The following ROBO1 variants were observed in gnomAD, a reference collection of about 807,000 sequenced individuals.
The protein encoded by ROBO1 is roundabout guidance receptor 1.
Under a neutral mutation model 195.9 loss-of-function variants are expected in ROBO1, and 149 were observed. That is an observed-to-expected ratio of 0.76 (90% CI 0.67 to 0.87). The LOEUF (loss-of-function observed/expected upper bound fraction) is 0.87, where lower values mean the gene tolerates loss of function less well. Among genes scored for constraint, ROBO1 ranks in the 40% least tolerant of loss-of-function variants. The pLI, the probability that ROBO1 is intolerant of heterozygous loss-of-function variation, is 0.00. For synonymous variants in ROBO1, 816 were observed against 733.2 expected (o/e 1.11, Z -1.82); for missense variants, 1,933 against 2,068.3 (o/e 0.93, Z 1.27).
At chr3:79,725,864 C>T (rs139687120) in intron 1 of ROBO1, among the ~76,000 whole-genome samples, 200 of 150,836 alleles carry the variant, frequency 1.3e-3, no homozygotes, top group Non-Finnish European at 2.2e-3. Context: ...TCTTTTGCCA[C>T]GTTAGTCATT....
At position 78,621,075 on chromosome 3, in the gene ROBO1, A is replaced by G. The variant is rs796107673; in HGVS notation, c.3876-3034T>C. On this transcript the variant is annotated intron_variant, in intron 26 of 30. Coordinates refer to ENST00000464233, the MANE Select transcript of ROBO1 (RefSeq NM_002941.4). ...TATACACACAACATTCTTTAATATA[A>G]TGCATTATTTTTCATTTCTGGGTGG... Among the ~76,000 whole-genome samples, 18 of 152,056 alleles carry G rather than the reference A, an allele frequency of 1.2e-4. 1 individual carries two copies. The highest frequency in any genetic ancestry group is 4.3e-4 in the African/African-American group (18 of 41,522).
chr3:79,336,857 G>T (rs572260378), intron 2 of ROBO1, among the ~76,000 whole-genome samples: 112 of 152,228 alleles, frequency 7.4e-4, no homozygotes, highest in Non-Finnish European at 1.5e-3. Flanking sequence ...GCTCAAGGCT[G>T]TGGGAGCCCA....
intron 3 of ROBO1, among the ~76,000 whole-genome samples, chr3:79,030,001 TTTTGTGTAGTATAC>T (rs2078265464): frequency 6.6e-6 from 1 of 152,240 alleles, no homozygotes; most frequent in Non-Finnish European, 1.5e-5. Flanking sequence ...GTGTTGGCAA[TTTTGTGTAGTATAC>T]TAAGTTTTGA....
At chr3:78,765,593 T>C (rs778584818) in intron 4 of ROBO1, among the ~76,000 whole-genome samples, 3 of 152,068 alleles carry the variant, frequency 2.0e-5, no homozygotes, top group Non-Finnish European at 2.9e-5. Context: ...AAATAAAGTA[T>C]ATTTTTAGAT....
intron 2 of ROBO1, among the ~76,000 whole-genome samples, chr3:79,581,298 ACT>A (rs1472338474): frequency 2.6e-5 from 4 of 151,958 alleles, no homozygotes; most frequent in Non-Finnish European, 5.9e-5. Context: ...CATATGAGGC[ACT>A]CTGTTTGCTG....
At chr3:79,261,661 T>C (rs979733908) in intron 2 of ROBO1, among the ~76,000 whole-genome samples, 3 of 152,054 alleles carry the variant, frequency 2.0e-5, no homozygotes, top group Admixed American at 6.6e-5. Context: ...AAGTTGCTTA[T>C]ATAGTTGATC....
chr3:79,018,662 A>G lies in ROBO1; in HGVS notation c.173-79735T>C, dbSNP rs1461055427. The stretch of plus-strand genomic sequence containing the variant: ...TCTCAGAGACTTTTGCAGAGGAAGA[A>G]TTCCAAGGTTTGTCTTCTCCGGCCC... On this transcript the variant is annotated intron_variant, in intron 3 of 30. Coordinates refer to ENST00000464233, the MANE Select transcript of ROBO1 (RefSeq NM_002941.4). 5 of 1,397,372 alleles carry G rather than the reference A, an allele frequency of 3.6e-6. No individual in the cohort carries two copies. In the South Asian group the frequency reaches 6.4e-5, roughly 18 times the overall value. The allele number at this position is 1,397,372 out of a possible 1,614,324, so 86.6% of individuals were successfully genotyped here. A position where few individuals can be genotyped will look rare whatever the true frequency, so the allele number is the denominator to read the frequency against.
intron 4 of ROBO1, among the ~76,000 whole-genome samples, chr3:78,881,279 G>C (rs542546412): frequency 2.8e-4 from 43 of 152,268 alleles, no homozygotes; most frequent in Middle Eastern, 3.4e-3. Context: ...CCAAGTTGGT[G>C]GGAAAGTGTG....
At chr3:78,944,908 C>CA in intron 3 of ROBO1, among the ~76,000 whole-genome samples, 1 of 152,326 alleles carries the variant, frequency 6.6e-6, no homozygotes, top group South Asian at 2.1e-4. Context: ...GGGAGTCTTG[C>CA]TCATTGCTAG....
chr3:78,710,087 A>G, intron 8 of ROBO1, among the ~76,000 whole-genome samples: 1 of 152,146 alleles, frequency 6.6e-6, no homozygotes, highest in East Asian at 1.9e-4. Context: ...TTTTATTTCT[A>G]GAGGCAGGGT....
At chr3:79,168,562 C>T (rs2081110845) in intron 2 of ROBO1, among the ~76,000 whole-genome samples, 1 of 151,950 alleles carries the variant, frequency 6.6e-6, no homozygotes, top group Non-Finnish European at 1.5e-5. Context: ...TAATGTTTGC[C>T]CCTACTATTT....
At chr3:79,298,208 A>G (rs1296906077) in intron 2 of ROBO1, among the ~76,000 whole-genome samples, 1 of 152,168 alleles carries the variant, frequency 6.6e-6, no homozygotes, top group Non-Finnish European at 1.5e-5. Context: ...GTGAAAACAG[A>G]TTATGAAGAG....
At chr3:79,607,677 ATT>A (rs956153283) in intron 1 of ROBO1, among the ~76,000 whole-genome samples, 1 of 151,272 alleles carries the variant, frequency 6.6e-6, no homozygotes, top group Non-Finnish European at 1.5e-5. Flanking sequence ...TCTTAAATTA[ATT>A]TTTTCTGATG....
At chr3:79,041,033 T>C (rs2121802) in intron 3 of ROBO1, among the ~76,000 whole-genome samples, 150,304 of 152,168 alleles carry the variant, frequency 0.99, 74,238 homozygotes, top group East Asian at 1. Context: ...CTCCCTACCC[T>C]GCCATTCCCT....
intron 4 of ROBO1, among the ~76,000 whole-genome samples, chr3:78,813,918 T>A (rs1171184048): frequency 6.6e-6 from 1 of 152,000 alleles, no homozygotes; most frequent in African/African-American, 2.4e-5. Flanking sequence ...TGAGAGTGGA[T>A]CCAGAGTAAT....
intron 3 of ROBO1, among the ~76,000 whole-genome samples, chr3:78,973,155 G>C (rs1219958605): frequency 6.6e-6 from 1 of 151,920 alleles, no homozygotes; most frequent in Non-Finnish European, 1.5e-5. Flanking sequence ...TCTTTTGCTT[G>C]CAATGAAATA....
intron 3 of ROBO1, among the ~76,000 whole-genome samples, chr3:79,023,070 C>A (rs1303300515): frequency 6.6e-6 from 1 of 152,144 alleles, no homozygotes; most frequent in East Asian, 1.9e-4. Context: ...CAAACCAGAA[C>A]ATCTCTCTGC....
chr3:79,586,694 A>G (rs1412738717), intron 2 of ROBO1, among the ~76,000 whole-genome samples: 1 of 151,824 alleles, frequency 6.6e-6, no homozygotes, highest in East Asian at 1.9e-4. Flanking sequence ...ATTAAATTCC[A>G]CTATATGTGA....
intron 4 of ROBO1, among the ~76,000 whole-genome samples, chr3:78,763,639 A>G (rs2083158529): frequency 6.6e-6 from 1 of 152,140 alleles, no homozygotes; most frequent in South Asian, 2.1e-4. Flanking sequence ...CTTTCATTTA[A>G]TTTATAATTT....
Sources: allele counts gnomAD v4.1 joint callset (sites outside exome capture counted in the v4.1 genomes callset), GRCh38; gene constraint gnomAD v4.1.1; transcripts MANE v1.5; gene names NCBI Gene and HGNC (gene_info 2026-07-23, HGNC 2026-07-21).